COL21A1: variants seen among roughly 807,000 people sequenced by gnomAD.
COL21A1 encodes the protein collagen type XXI alpha 1 chain, also known as collagen alpha-1(XXI) chain.
COL21A1 carries 149 observed loss-of-function variants against 137.9 expected under a neutral mutation model. The observed-to-expected ratio is 1.08, with a 90% CI of 0.95 to 1.24. COL21A1 has a LOEUF of 1.24. Ranked by LOEUF, COL21A1 falls within the 50% of genes most tolerant of loss-of-function variation. The pLI is 0.00. For synonymous variants in COL21A1, 456 were observed against 391.5 expected, an observed-to-expected ratio of 1.16 and a Z score of -1.95; for missense variants, 1,167 against 1,158.4, an observed-to-expected ratio of 1.01 and a Z score of -0.11.
intron 17 of COL21A1, among the ~76,000 whole-genome samples, chr6:56,090,720 TA>T (rs1402440285): frequency 2.0e-5 from 3 of 151,980 alleles, no homozygotes; most frequent in African/African-American, 7.2e-5. Flanking sequence ...TATTGTTTTA[TA>T]ATAATTATAT....
intron 14 of COL21A1, among the ~76,000 whole-genome samples, chr6:56,124,715 C>T (rs949916844): frequency 6.6e-6 from 1 of 152,138 alleles, no homozygotes; most frequent in Non-Finnish European, 1.5e-5. Flanking sequence ...AATCTCCGCT[C>T]ACTGCAAGCT....
intron 29 of COL21A1, among the ~76,000 whole-genome samples, chr6:56,058,940 A>T (rs918526553): frequency 2.6e-5 from 4 of 152,190 alleles, no homozygotes; most frequent in Non-Finnish European, 5.9e-5. Flanking sequence ...TAAGGAATAG[A>T]TATTAAACTA....
chr6:56,162,276 T>G (rs943723874), intron 9 of COL21A1, among the ~76,000 whole-genome samples: 1 of 152,092 alleles, frequency 6.6e-6, no homozygotes, highest in Non-Finnish European at 1.5e-5. Flanking sequence ...CCTGCCAGAT[T>G]TTCTGAAGAA....
intron 1 of COL21A1, chr6:56,276,756 A>T: frequency 7.9e-7 from 1 of 1,259,850 alleles, no homozygotes; most frequent in Non-Finnish European, 1.2e-6. Flanking sequence ...TATCCAAATC[A>T]TCTCTACTTT....
chr6:56,067,713 A>G (rs9396171), intron 22 of COL21A1, among the ~76,000 whole-genome samples: 47,139 of 151,536 alleles, frequency 0.31, 9,244 homozygotes, highest in East Asian at 0.54. Context: ...TAGTAGCCAC[A>G]AGTTTATAGG....
chr6:56,173,939 T>C (rs936159570), intron 3 of COL21A1, among the ~76,000 whole-genome samples: 3 of 152,186 alleles, frequency 2.0e-5, no homozygotes, highest in African/African-American at 4.8e-5. Flanking sequence ...GACCACATGT[T>C]AAATCACAAA....
At chr6:56,390,221 G>A (rs956590563) in intron 1 of COL21A1, among the ~76,000 whole-genome samples, 1 of 151,838 alleles carries the variant, frequency 6.6e-6, no homozygotes, top group Non-Finnish European at 1.5e-5. Context: ...TCTCTGCTAT[G>A]TGTTTGTTTG....
rs145373088 is a variant in COL21A1, at chr6:56,379,792, C to T, written c.-39+14179G>A. Among the ~76,000 whole-genome samples, 456 of 152,220 alleles carry T rather than the reference C, an allele frequency of 3.0e-3. 1 individual carries two copies. Among genetic ancestry groups the T allele is most frequent in the African/African-American group, 0.01 (436 of 41,530 alleles). The stretch of plus-strand genomic sequence containing the variant: ...GCCTATTTCCTCACTATCTCTTCAA[C>T]ACAATAGTTTATTAAAATTCTTTAT... On this transcript the variant is annotated intron_variant, in intron 1 of 28. Coordinates refer to the COL21A1 transcript ENST00000370819.
upstream of COL21A1, chr6:56,247,679 T>C (rs1782731036): frequency 6.6e-6 from 1 of 152,224 alleles, no homozygotes; most frequent in Non-Finnish European, 1.5e-5. Flanking sequence ...ATCTGGATCT[T>C]GAAGGGCGAA....
upstream of COL21A1, among the ~76,000 whole-genome samples, chr6:56,251,581 G>A (rs1003625162): frequency 6.6e-6 from 1 of 152,202 alleles, no homozygotes; most frequent in African/African-American, 2.4e-5. Context: ...GTGTGAGTGT[G>A]TATGTGAAAA....
intron 1 of COL21A1, among the ~76,000 whole-genome samples, chr6:56,201,422 G>T (rs1249385496): frequency 6.6e-6 from 1 of 152,076 alleles, no homozygotes; most frequent in East Asian, 1.9e-4. Context: ...TTCTTCTAGG[G>T]TTTTTATGGA....
chr6:56,139,917 C>T (rs893631152), intron 12 of COL21A1, among the ~76,000 whole-genome samples: 7 of 152,034 alleles, frequency 4.6e-5, no homozygotes, highest in African/African-American at 1.7e-4. Context: ...TATAATTCTT[C>T]CAATAATACC....
Position 56,156,903 on chromosome 6 carries a change from C to A in COL21A1, c.1418G>T (p.Gly473Val). The A allele has an allele frequency of 6.2e-7, 1 of 1,612,140 alleles. No individual in the cohort carries two copies. The highest frequency in any genetic ancestry group is 8.5e-7 in the Non-Finnish European group (1 of 1,179,178). Residue 473 changes from glycine to valine, a missense_variant, in exon 10 of 30, where the codon GGT becomes GTT. Physicochemically the swap from Gly to Val is moderately radical, Grantham distance 109. Coordinates refer to ENST00000244728, the MANE Select transcript of COL21A1 (RefSeq NM_030820.4). ...PGNPGYPGQP[G>V]QDGKPGYQGI... ...AGTACTCACAGGCTTACCATCTTGA[C>A]CAGGTTGTCCAGGGTAGCCAGGGTT...
At chr6:56,323,240 C>T (rs1261499370) in intron 1 of COL21A1, among the ~76,000 whole-genome samples, 2 of 152,072 alleles carry the variant, frequency 1.3e-5, no homozygotes, top group African/African-American at 2.4e-5. Flanking sequence ...GATTAAGAAA[C>T]ATTTAAGCAG....
Position 56,193,805 on chromosome 6 carries a change from A to ACTCTGTCACT in COL21A1, c.-38-11150_-38-11149insAGTGACAGAG, listed in dbSNP as rs1582609783. On this transcript the variant is annotated intron_variant, in intron 1 of 29. Transcript: ENST00000244728. ...AGGAGTCTCACTCTCACCAGGCTGGACTGCAGTGGTGCTATCTCAGCTCAC... is the reference window on the plus strand; with the variant it reads ...AGGAGTCTCACTCTCACCAGGCTGGACTCTGTCACTCTGCAGTGGTGCTATCTCAGCTCAC... Among the ~76,000 whole-genome samples the ACTCTGTCACT allele has an allele frequency of 2.0e-5, 3 of 150,516 alleles. No homozygotes were observed. In the East Asian group the frequency reaches 5.8e-4, roughly 29 times the overall value.
intron 16 of COL21A1, among the ~76,000 whole-genome samples, chr6:56,104,333 G>C (rs1770696501): frequency 6.6e-6 from 1 of 152,156 alleles, no homozygotes. Flanking sequence ...AGCATTTACT[G>C]TTGGACAATT....
Position 56,149,011 on chromosome 6 carries a change from C to T in COL21A1, c.1435-7028G>A, listed in dbSNP as rs1049680033. Among the ~76,000 whole-genome samples the T allele has an allele frequency of 5.9e-5, 9 of 152,288 alleles. No homozygotes were observed. The Middle Eastern group carries it at 0.01, about 173-fold the overall frequency. On this transcript the variant is annotated intron_variant, in intron 10 of 29. Transcript: ENST00000244728. ...GATGTTATGCATTTACAAACTATGC[C>T]AAAAAATTGCATCAGCCTTTTAGGC...
At chr6:56,175,041 G>A (rs1313232773) in intron 3 of COL21A1, among the ~76,000 whole-genome samples, 3 of 151,982 alleles carry the variant, frequency 2.0e-5, no homozygotes, top group Admixed American at 1.3e-4. Context: ...TGAAGGAAAA[G>A]ATAACATGAT....
intron 1 of COL21A1, among the ~76,000 whole-genome samples, chr6:56,271,205 T>C (rs1308844109): frequency 1.3e-5 from 2 of 152,160 alleles, no homozygotes; most frequent in African/African-American, 4.8e-5. Context: ...CAGATGGAGA[T>C]GAGGAACTTA....
Sources: allele counts gnomAD v4.1 joint callset (sites outside exome capture counted in the v4.1 genomes callset), GRCh38; gene constraint gnomAD v4.1.1; transcripts MANE v1.5; gene names NCBI Gene and HGNC (gene_info 2026-07-23, HGNC 2026-07-21).